NHEJ1: variants seen among roughly 807,000 people sequenced by gnomAD.
The protein encoded by NHEJ1 is non-homologous end-joining factor 1.
In NHEJ1, 22 loss-of-function variants were observed where a neutral mutation model predicts 39.4. That is an observed-to-expected ratio of 0.56 (90% CI 0.40 to 0.80). NHEJ1 has a LOEUF of 0.80. NHEJ1 is among the 30% of genes least tolerant of loss of function. The pLI is 0.00. For synonymous variants in NHEJ1, 154 were observed against 135.6 expected (o/e 1.14, Z -0.94); for missense variants, 329 against 357.1 (o/e 0.92, Z 0.63).
intron 3 of NHEJ1, 39 bp downstream of exon 3, chr2:219,157,433 G>A (rs1471661164): frequency 6.4e-7 from 1 of 1,558,174 alleles, no homozygotes; most frequent in East Asian, 2.2e-5. Context: ...CAAAGCAACT[G>A]GCATCCCTCC....
chr2:219,152,950 G>T (rs1238669932), intron 3 of NHEJ1, among the ~76,000 whole-genome samples: 2 of 151,896 alleles, frequency 1.3e-5, no homozygotes, highest in Non-Finnish European at 2.9e-5. Context: ...TTACAGGCAT[G>T]CACCACCATG....
intron 6 of NHEJ1, among the ~76,000 whole-genome samples, chr2:219,077,594 A>G (rs1949026361): frequency 6.6e-6 from 1 of 152,148 alleles, no homozygotes; most frequent in Non-Finnish European, 1.5e-5. Flanking sequence ...TCCTCGACTC[A>G]AAACAGCCAG....
intron 1 of NHEJ1, among the ~76,000 whole-genome samples, chr2:219,160,105 A>G (rs1323904510): frequency 1.3e-5 from 2 of 152,062 alleles, no homozygotes; most frequent in African/African-American, 4.8e-5. Flanking sequence ...TAACATTCAC[A>G]TTAACGAGAT....
intron 5 of NHEJ1, among the ~76,000 whole-genome samples, chr2:219,137,249 T>G (rs1480455119): frequency 1.3e-5 from 2 of 152,092 alleles, no homozygotes; most frequent in African/African-American, 2.4e-5. Flanking sequence ...ATTCATATTT[T>G]CAGTAAGGAA....
intron 5 of NHEJ1, among the ~76,000 whole-genome samples, chr2:219,127,899 A>C (rs1392389644): frequency 6.6e-6 from 1 of 152,226 alleles, no homozygotes; most frequent in Non-Finnish European, 1.5e-5. Flanking sequence ...GAACCTTGGC[A>C]CTGGAAAATA....
chr2:219,141,952 C>A (rs938790935), intron 5 of NHEJ1, among the ~76,000 whole-genome samples: 3 of 152,066 alleles, frequency 2.0e-5, no homozygotes, highest in Non-Finnish European at 2.9e-5. Flanking sequence ...CTTCCCCAGG[C>A]GATATAAGCT....
At position 219,158,171 on chromosome 2, in the gene NHEJ1, TCTC is replaced by T. The variant is rs1949875729; in HGVS notation, c.177+12_177+14del. The T allele has an allele frequency of 1.9e-6, 3 of 1,613,730 alleles. No individual in the cohort carries two copies. The highest frequency in any genetic ancestry group is 1.7e-5 in the Admixed American group (1 of 60,010). On this transcript the variant is annotated intron_variant, in intron 2 of 7. Coordinates refer to ENST00000356853, the MANE Select transcript of NHEJ1 (RefSeq NM_024782.3). ...TTCACATCCCCGACACAGCAGTACT[TCTC>T]CTCATACTTACCTTGGCTCGCTGGC...
At chr2:219,095,330 C>G (rs1182537638) in intron 5 of NHEJ1, 1 of 470,870 alleles carries the variant, frequency 2.1e-6, no homozygotes, top group Non-Finnish European at 4.4e-6. Context: ...TGCCGGGTCT[C>G]CAGTTTTGAT....
At chr2:219,124,654 T>C (rs1365857501) in intron 5 of NHEJ1, 1 of 151,964 alleles carries the variant, frequency 6.6e-6, no homozygotes, top group Non-Finnish European at 1.5e-5. Context: ...CTGCATTTCC[T>C]GGGCATCTTC....
At chr2:219,127,205 C>A (rs138777702) in intron 5 of NHEJ1, among the ~76,000 whole-genome samples, 31 of 152,216 alleles carry the variant, frequency 2.0e-4, no homozygotes, top group African/African-American at 6.7e-4. Flanking sequence ...ATCCCTGGGG[C>A]TAGGGAGGTG....
intron 5 of NHEJ1, among the ~76,000 whole-genome samples, chr2:219,091,439 G>A (rs1949159003): frequency 6.6e-6 from 1 of 152,102 alleles, no homozygotes; most frequent in African/African-American, 2.4e-5. Context: ...TGGCTGGGGT[G>A]GAGGGTGGGG....
chr2:219,095,632 C>T (rs1354043597), intron 5 of NHEJ1, among the ~76,000 whole-genome samples: 2 of 152,082 alleles, frequency 1.3e-5, no homozygotes, highest in African/African-American at 2.4e-5. Context: ...GAGCACCATC[C>T]ATAGCAGGGA....
At position 219,153,778 on chromosome 2, in the gene NHEJ1, T is replaced by C. The variant is rs35963442; in HGVS notation, c.390+3694A>G. Among the ~76,000 whole-genome samples, 962 of 151,538 alleles carry C rather than the reference T, an allele frequency of 6.3e-3. 9 individuals are homozygous for C. Among genetic ancestry groups the C allele is most frequent in the African/African-American group, 0.02 (825 of 41,162 alleles). ...TATATTCCATAATACCCTTGCAGAC[T>C]TAGAAACCATTAGCTTGTTAATGTG... On this transcript the variant is annotated intron_variant, in intron 3 of 7. Transcript: ENST00000356853.
rs527576517 is a variant in NHEJ1 at position 219,087,342 on chromosome 2, T to C, written c.589-9136A>G. On this transcript the variant is annotated intron_variant, in intron 5 of 7. Coordinates refer to ENST00000356853, the MANE Select transcript of NHEJ1 (RefSeq NM_024782.3). The stretch of plus-strand genomic sequence containing the variant: ...TCTGGCTCTGAAAGCTCTTCATCCC[T>C]GCCCTGTGCTACTAGCACTGTGCAG... 9.2e-5 allele frequency among the ~76,000 whole-genome samples: 14 copies of C among 151,664 alleles called. 1 individual carries two copies. The highest frequency in any genetic ancestry group is 2.9e-4 in the African/African-American group (12 of 41,426).
At chr2:219,101,155 C>A (rs2106333280) in intron 5 of NHEJ1, among the ~76,000 whole-genome samples, 1 of 152,300 alleles carries the variant, frequency 6.6e-6, no homozygotes, top group Admixed American at 6.5e-5. Context: ...TGCTCTGTTG[C>A]CCAGGCTGGA....
chr2:219,078,327 TA>T, intron 5 of NHEJ1, 121 bp from the exon 6 acceptor site: 1 of 869,292 alleles, frequency 1.2e-6, no homozygotes, highest in South Asian at 1.4e-5. Context: ...TTAGATCCAA[TA>T]GGGGGCGACC....
chr2:219,134,388 C>T (rs531482213), intron 5 of NHEJ1, among the ~76,000 whole-genome samples: 9 of 152,312 alleles, frequency 5.9e-5, no homozygotes, highest in Admixed American at 3.3e-4. Context: ...TAAATTATAA[C>T]TTAGATAAAG....
chr2:219,099,901 T>C (rs1338741874), intron 5 of NHEJ1, among the ~76,000 whole-genome samples: 1 of 151,982 alleles, frequency 6.6e-6, no homozygotes, highest in Non-Finnish European at 1.5e-5. Flanking sequence ...GGTACAATGG[T>C]AGGGCCCAGA....
intron 5 of NHEJ1, among the ~76,000 whole-genome samples, chr2:219,134,895 G>A (rs1025866310): frequency 4.0e-5 from 6 of 151,696 alleles, no homozygotes; most frequent in Non-Finnish European, 4.4e-5. Context: ...AAAATTAGCC[G>A]GGTGTGGTGT....
Sources: allele counts gnomAD v4.1 joint callset (sites outside exome capture counted in the v4.1 genomes callset), GRCh38; gene constraint gnomAD v4.1.1; transcripts MANE v1.5; gene names NCBI Gene and HGNC (gene_info 2026-07-23, HGNC 2026-07-21).